LDB2: variants seen among roughly 807,000 people sequenced by gnomAD.
The protein encoded by LDB2 is LIM domain binding 2, also known as LIM domain-binding protein 2.
Under a neutral mutation model 44.3 loss-of-function variants are expected in LDB2, and 12 were observed. The ratio of observed to expected loss-of-function variants is 0.27; its 90% CI spans 0.17 to 0.44. The LOEUF is 0.44. LDB2 is among the 20% of genes least tolerant of loss of function. LDB2 has a pLI of 1.00. For missense variants in LDB2, 344 were observed against 473.5 expected (o/e 0.73, Z 2.54); for synonymous variants, 164 against 174.8 (o/e 0.94, Z 0.49).
At chr4:16,780,014 C>T (rs1023583976) in intron 1 of LDB2, among the ~76,000 whole-genome samples, 2 of 152,010 alleles carry the variant, frequency 1.3e-5, no homozygotes, top group African/African-American at 4.8e-5. Flanking sequence ...TACTTGTTCA[C>T]TCATTTAACA....
At chr4:16,657,630 C>T (rs796489220) in intron 2 of LDB2, among the ~76,000 whole-genome samples, 13 of 152,300 alleles carry the variant, frequency 8.5e-5, no homozygotes, top group African/African-American at 3.1e-4. Context: ...TTCACTCTCT[C>T]CCCACAACTG....
chr4:16,684,977 G>A (rs1206773157), intron 2 of LDB2, among the ~76,000 whole-genome samples: 2 of 152,170 alleles, frequency 1.3e-5, no homozygotes, highest in African/African-American at 4.8e-5. Context: ...AACAGGCGAT[G>A]AGCTGCATTT....
At chr4:16,872,536 C>A (rs1259194951) in intron 1 of LDB2, among the ~76,000 whole-genome samples, 1 of 152,102 alleles carries the variant, frequency 6.6e-6, no homozygotes, top group African/African-American at 2.4e-5. Flanking sequence ...GTTGTTATCA[C>A]TGCTTCTTTT....
intron 1 of LDB2, among the ~76,000 whole-genome samples, chr4:16,841,003 C>G (rs1018807830): frequency 6.6e-6 from 1 of 151,758 alleles, no homozygotes; most frequent in African/African-American, 2.4e-5. Flanking sequence ...AGCAGTGTTT[C>G]CCCCGTCTCT....
intron 1 of LDB2, among the ~76,000 whole-genome samples, chr4:16,801,307 ACGT>A (rs1227156675): frequency 1.3e-5 from 2 of 152,168 alleles, no homozygotes; most frequent in African/African-American, 4.8e-5. Flanking sequence ...ATTAGACTGC[ACGT>A]CGTTAGGATA....
chr4:16,544,470 A>G (rs1288567728), intron 5 of LDB2, among the ~76,000 whole-genome samples: 1 of 152,202 alleles, frequency 6.6e-6, no homozygotes, highest in Admixed American at 6.5e-5. Context: ...AGGTGCTAGA[A>G]CATTATTCCA....
intron 5 of LDB2, among the ~76,000 whole-genome samples, chr4:16,525,400 A>C (rs573671215): frequency 1.3e-5 from 2 of 152,216 alleles, no homozygotes; most frequent in Non-Finnish European, 2.9e-5. Context: ...ATAATGCAGC[A>C]CTCAGCTGCT....
intron 1 of LDB2, among the ~76,000 whole-genome samples, chr4:16,862,549 C>T (rs959016500): frequency 3.0e-4 from 42 of 139,406 alleles, no homozygotes; most frequent in Non-Finnish European, 6.4e-4. Flanking sequence ...AGGAGAATTG[C>T]TTGAACCCCG....
chr4:16,541,965 C>T (rs1273342966), intron 5 of LDB2, among the ~76,000 whole-genome samples: 1 of 152,056 alleles, frequency 6.6e-6, no homozygotes, highest in Non-Finnish European at 1.5e-5. Context: ...TTTTATGCCT[C>T]CTTCTTTTTT....
intron 1 of LDB2, among the ~76,000 whole-genome samples, chr4:16,881,457 C>G (rs996688647): frequency 6.6e-6 from 1 of 152,194 alleles, no homozygotes; most frequent in African/African-American, 2.4e-5. Flanking sequence ...ATGGCTCCTG[C>G]TCCTGGATTT....
intron 2 of LDB2, among the ~76,000 whole-genome samples, chr4:16,620,250 G>A (rs1032928502): frequency 6.6e-6 from 1 of 152,168 alleles, no homozygotes; most frequent in Admixed American, 6.5e-5. Context: ...CTGGATGACT[G>A]AGCTCACTGG....
chr4:16,549,358 G>T (rs993330644), intron 5 of LDB2, among the ~76,000 whole-genome samples: 2 of 152,162 alleles, frequency 1.3e-5, no homozygotes, highest in East Asian at 3.9e-4. Flanking sequence ...CACTGCTCTG[G>T]TTAGCAATTT....
chr4:16,759,103 G>A (rs1259036441), intron 2 of LDB2, 55 bp downstream of exon 2: 2 of 1,235,328 alleles, frequency 1.6e-6, no homozygotes, highest in African/African-American at 1.5e-5. Context: ...GACCCCTGCG[G>A]TTTTCTTACA....
chr4:16,742,608 C>T (rs905015225), intron 2 of LDB2, among the ~76,000 whole-genome samples: 13 of 152,104 alleles, frequency 8.5e-5, no homozygotes, highest in Non-Finnish European at 1.3e-4. Flanking sequence ...TAGGATTCAA[C>T]GCACCACATT....
intron 1 of LDB2, among the ~76,000 whole-genome samples, chr4:16,776,594 G>A (rs926837069): frequency 6.6e-5 from 10 of 152,158 alleles, no homozygotes; most frequent in East Asian, 1.9e-4. Context: ...TACTTTGCGC[G>A]AGACACTCTT....
In LDB2 at chr4:16,877,032, C is replaced by G. The variant is rs150750311; in HGVS notation, c.132+21322G>C. Among the ~76,000 whole-genome samples the G allele has an allele frequency of 1.1e-4, 16 of 152,178 alleles. 1 individual carries two copies. In the East Asian group the frequency reaches 3.1e-3, roughly 29 times the overall value. On this transcript the variant is annotated intron_variant, in intron 1 of 7. Coordinates refer to ENST00000304523, the MANE Select transcript of LDB2 (RefSeq NM_001290.5). ...AAACAATCATCGAGTCTCAGACTCT[C>G]CAGTAGCTGGGATGGCAGGTGTGTG...
At chr4:16,607,866 C>T (rs551897556) in intron 2 of LDB2, among the ~76,000 whole-genome samples, 2 of 152,146 alleles carry the variant, frequency 1.3e-5, no homozygotes, top group African/African-American at 2.4e-5. Flanking sequence ...GGACAGTCTG[C>T]GAATCTCAAA....
intron 2 of LDB2, among the ~76,000 whole-genome samples, chr4:16,664,692 T>C (rs1206775396): frequency 1.3e-5 from 2 of 152,216 alleles, no homozygotes; most frequent in African/African-American, 2.4e-5. Flanking sequence ...GGACAAGCCT[T>C]CCCACAAGGC....
At chr4:16,583,487 T>C (rs980190362) in intron 5 of LDB2, among the ~76,000 whole-genome samples, 8 of 152,212 alleles carry the variant, frequency 5.3e-5, no homozygotes, top group African/African-American at 1.9e-4. Flanking sequence ...GCCAGGCTCC[T>C]CAGATGGACG....
Sources: gnomAD v4.1 joint callset for allele counts (sites outside exome capture counted in the v4.1 genomes callset) on GRCh38, gnomAD v4.1.1 for gene constraint, MANE v1.5 for transcripts, NCBI Gene and HGNC (gene_info 2026-07-23, HGNC 2026-07-21) for gene names.